The following FARS2 variants were observed in gnomAD, a reference collection of about 807,000 sequenced individuals.
FARS2 encodes phenylalanine--tRNA ligase, mitochondrial.
In FARS2, 40 loss-of-function variants were observed where a neutral mutation model predicts 46.4. The ratio of observed to expected loss-of-function variants is 0.86; its 90% confidence interval spans 0.67 to 1.12. FARS2 has a LOEUF of 1.12. Ranked by LOEUF, FARS2 falls within the 50% of genes most tolerant of loss-of-function variation. The pLI, the probability that FARS2 is intolerant of heterozygous loss-of-function variation, is 0.00. For missense variants in FARS2, 513 were observed against 567.9 expected, an observed-to-expected ratio of 0.90 and a Z score of 0.98; for synonymous variants, 234 against 214.9, an observed-to-expected ratio of 1.09 and a Z score of -0.78.
chr6:5,362,927 CTTT>C (rs55686418), intron 1 of FARS2, among the ~76,000 whole-genome samples: 3 of 124,192 alleles, frequency 2.4e-5, no homozygotes, highest in Admixed American at 9.0e-5. Context: ...TTCTTTCTTT[CTTT>C]TTTTTTTTTT....
At chr6:5,534,327 C>A (rs1561691870) in intron 4 of FARS2, among the ~76,000 whole-genome samples, 1 of 152,152 alleles carries the variant, frequency 6.6e-6, no homozygotes, top group Non-Finnish European at 1.5e-5. Context: ...GTGTACAATT[C>A]AGTGGCATTA....
chr6:5,673,577 A>T (rs989893580), intron 6 of FARS2, among the ~76,000 whole-genome samples: 1 of 152,196 alleles, frequency 6.6e-6, no homozygotes, highest in Non-Finnish European at 1.5e-5. Context: ...AGCTAAACGT[A>T]TGCTAGTTGA....
chr6:5,260,611 G>GGGC, upstream of FARS2: 1 of 1,377,676 alleles, frequency 7.3e-7, no homozygotes, highest in Admixed American at 2.3e-5. Context: ...CCGGCCCCTG[G>GGGC]CCCCCCGCCC....
At chr6:5,496,417 C>A (rs1184928485) in intron 4 of FARS2, among the ~76,000 whole-genome samples, 1 of 152,178 alleles carries the variant, frequency 6.6e-6, no homozygotes, top group African/African-American at 2.4e-5. Flanking sequence ...TACCTAAAAG[C>A]TTGACATCTG....
At chr6:5,327,072 T>A (rs1193536804) in intron 1 of FARS2, among the ~76,000 whole-genome samples, 1 of 152,144 alleles carries the variant, frequency 6.6e-6, no homozygotes, top group Non-Finnish European at 1.5e-5. Flanking sequence ...TCCTTAGGCG[T>A]GATTCCTTAT....
chr6:5,274,909 G>A (rs1157283165), intron 1 of FARS2, among the ~76,000 whole-genome samples: 1 of 152,124 alleles, frequency 6.6e-6, no homozygotes, highest in African/African-American at 2.4e-5. Context: ...TAGAAATGGG[G>A]TTTTGCTCTG....
chr6:5,615,020 G>C (rs1775397742), intron 6 of FARS2, among the ~76,000 whole-genome samples: 1 of 151,928 alleles, frequency 6.6e-6, no homozygotes, highest in South Asian at 2.1e-4. Context: ...TGATCTTTTT[G>C]CTTTTTGTTT....
intron 5 of FARS2, among the ~76,000 whole-genome samples, chr6:5,594,299 C>T (rs1411603486): frequency 6.6e-6 from 1 of 152,164 alleles, no homozygotes; most frequent in African/African-American, 2.4e-5. Context: ...CTTATCAACA[C>T]CCTTGTTCCT....
chr6:5,529,198 C>A (rs1769660822), intron 4 of FARS2, among the ~76,000 whole-genome samples: 1 of 152,142 alleles, frequency 6.6e-6, no homozygotes, highest in South Asian at 2.1e-4. Context: ...TTAATGAGGT[C>A]ATATTTTCTG....
At chr6:5,546,489 AT>A (rs1771018529) in intron 5 of FARS2, among the ~76,000 whole-genome samples, 1 of 151,300 alleles carries the variant, frequency 6.6e-6, no homozygotes, top group African/African-American at 2.4e-5. Context: ...TGACCTTGTG[AT>A]TCGCCCGCCT....
At chr6:5,510,249 T>G (rs528391877) in intron 4 of FARS2, among the ~76,000 whole-genome samples, 3 of 152,306 alleles carry the variant, frequency 2.0e-5, no homozygotes, top group Non-Finnish European at 4.4e-5. Flanking sequence ...TTACATTATT[T>G]TTCCTCAGGG....
At chr6:5,344,973 G>C (rs1164179250) in intron 1 of FARS2, among the ~76,000 whole-genome samples, 1 of 151,770 alleles carries the variant, frequency 6.6e-6, no homozygotes, top group East Asian at 1.9e-4. Context: ...TATATTTTTA[G>C]TAGAGATGGG....
chr6:5,422,376 CTCTTT>C (rs1762601246), intron 3 of FARS2, among the ~76,000 whole-genome samples: 1 of 151,956 alleles, frequency 6.6e-6, no homozygotes, highest in Non-Finnish European at 1.5e-5. Flanking sequence ...CTCTCTCTCT[CTCTTT>C]TTTTTTTAAA....
At chr6:5,327,016 G>A (rs552992454) in intron 1 of FARS2, among the ~76,000 whole-genome samples, 2 of 152,162 alleles carry the variant, frequency 1.3e-5, no homozygotes, top group Non-Finnish European at 2.9e-5. Flanking sequence ...TCATGGTAAT[G>A]GTAAATCAGC....
intron 6 of FARS2, among the ~76,000 whole-genome samples, chr6:5,639,918 G>C (rs953892405): frequency 3.9e-5 from 6 of 152,126 alleles, no homozygotes; most frequent in African/African-American, 9.7e-5. Context: ...GCCCCAAGTG[G>C]GTCCCCTGCT....
chr6:5,560,500 A>G (rs1771924413), intron 5 of FARS2, among the ~76,000 whole-genome samples: 1 of 152,028 alleles, frequency 6.6e-6, no homozygotes, highest in African/African-American at 2.4e-5. Flanking sequence ...CTTTGTGTTC[A>G]GGGGTGAACT....
chr6:5,559,962 A>T (rs1032563486), intron 5 of FARS2, among the ~76,000 whole-genome samples: 2 of 152,132 alleles, frequency 1.3e-5, no homozygotes, highest in African/African-American at 4.8e-5. Flanking sequence ...ACTTGACCCC[A>T]TATTTATAAT....
intron 1 of FARS2, among the ~76,000 whole-genome samples, chr6:5,267,448 T>C (rs1189672730): frequency 6.6e-6 from 1 of 152,090 alleles, no homozygotes; most frequent in East Asian, 1.9e-4. Context: ...CTAGGAGCTT[T>C]GCCATGAAAA....
At chr6:5,337,740 T>A (rs1771262393) in intron 1 of FARS2, among the ~76,000 whole-genome samples, 1 of 152,178 alleles carries the variant, frequency 6.6e-6, no homozygotes, top group African/African-American at 2.4e-5. Flanking sequence ...AAAAACAGTA[T>A]GTTGGTTTCT....
Sources: gnomAD v4.1 joint callset for allele counts (sites outside exome capture counted in the v4.1 genomes callset) on GRCh38, gnomAD v4.1.1 for gene constraint, MANE v1.5 for transcripts, NCBI Gene and HGNC (gene_info 2026-07-23, HGNC 2026-07-21) for gene names.